Variants in SLC41A2 observed in about 807,000 individuals in gnomAD.
The protein encoded by SLC41A2 is SLC41A1-like 1.
In SLC41A2, 32 loss-of-function variants were observed where a neutral mutation model predicts 58.3. The observed-to-expected ratio is 0.55, with a 90% confidence interval of 0.41 to 0.74. SLC41A2 has a LOEUF of 0.74. SLC41A2 is among the 30% of genes least tolerant of loss of function. The pLI, the probability that SLC41A2 is intolerant of heterozygous loss-of-function variation, is 0.00. For synonymous variants in SLC41A2, 190 were observed against 235.0 expected (o/e 0.81, Z 1.75); for missense variants, 514 against 680.6 (o/e 0.76, Z 2.72).
intron 1 of SLC41A2, among the ~76,000 whole-genome samples, chr12:104,932,677 T>C (rs2047110339): frequency 7.5e-6 from 1 of 132,622 alleles, no homozygotes; most frequent in African/African-American, 2.9e-5. Flanking sequence ...ATGATACTGG[T>C]ATAAAAGTAG....
chr12:104,850,118 T>C (rs891956557), intron 8 of SLC41A2, among the ~76,000 whole-genome samples: 10 of 152,190 alleles, frequency 6.6e-5, no homozygotes, highest in Admixed American at 2.0e-4. Context: ...GCTTTGATGA[T>C]ATCACAGAGA....
At chr12:104,807,167 T>C (rs2040950011) in intron 10 of SLC41A2, among the ~76,000 whole-genome samples, 1 of 152,242 alleles carries the variant, frequency 6.6e-6, no homozygotes, top group Non-Finnish European at 1.5e-5. Flanking sequence ...TGGTATTGCC[T>C]AGGTTTTCTT....
intron 10 of SLC41A2, among the ~76,000 whole-genome samples, chr12:104,834,914 C>A (rs969868757): frequency 2.9e-4 from 44 of 152,182 alleles, no homozygotes; most frequent in African/African-American, 1.1e-3. Flanking sequence ...TGGCTACATT[C>A]TTCCTTATCT....
intron 3 of SLC41A2, among the ~76,000 whole-genome samples, chr12:104,904,438 G>A (rs959074307): frequency 6.6e-6 from 1 of 152,084 alleles, no homozygotes; most frequent in African/African-American, 2.4e-5. Context: ...ATCTACCTAG[G>A]TAATTCACCA....
intron 10 of SLC41A2, among the ~76,000 whole-genome samples, chr12:104,843,347 G>C (rs1325967659): frequency 6.6e-6 from 1 of 151,734 alleles, no homozygotes; most frequent in East Asian, 1.9e-4. Flanking sequence ...TTATTCGATA[G>C]GTGACTTTTA....
At chr12:104,916,406 AT>A (rs1176865648) in intron 2 of SLC41A2, among the ~76,000 whole-genome samples, 2 of 152,094 alleles carry the variant, frequency 1.3e-5, no homozygotes, top group Admixed American at 1.3e-4. Context: ...AGCCAAGGTA[AT>A]TTATAGATTC....
chr12:104,856,650 G>A (rs1209964040), intron 8 of SLC41A2, among the ~76,000 whole-genome samples: 2 of 152,282 alleles, frequency 1.3e-5, no homozygotes, highest in Middle Eastern at 3.4e-3. Context: ...ATGGAGTAAG[G>A]CTCCCATTGG....
intron 6 of SLC41A2, among the ~76,000 whole-genome samples, chr12:104,877,036 G>A (rs768687444): frequency 2.6e-5 from 4 of 152,092 alleles, no homozygotes; most frequent in Non-Finnish European, 4.4e-5. Flanking sequence ...TTTTCTTAAT[G>A]TCCAGTTCTT....
intron 1 of SLC41A2, among the ~76,000 whole-genome samples, chr12:104,955,650 T>C (rs79415152): frequency 0.041 from 6,246 of 152,240 alleles, 176 homozygotes; most frequent in East Asian, 0.11. Flanking sequence ...TTTTACCACA[T>C]TTTAACAAGT....
At chr12:104,855,370 C>T (rs956730171) in intron 8 of SLC41A2, among the ~76,000 whole-genome samples, 2 of 152,202 alleles carry the variant, frequency 1.3e-5, no homozygotes, top group African/African-American at 4.8e-5. Flanking sequence ...CCATATCCTT[C>T]CTTCGCTATC....
At chr12:104,806,590 T>C (rs1181902758) in intron 10 of SLC41A2, among the ~76,000 whole-genome samples, 5 of 152,044 alleles carry the variant, frequency 3.3e-5, no homozygotes, top group African/African-American at 1.2e-4. Flanking sequence ...AGTAATGGGA[T>C]GGCTGGGTCA....
chr12:104,838,014 C>G (rs777679062), intron 10 of SLC41A2, among the ~76,000 whole-genome samples: 1 of 152,112 alleles, frequency 6.6e-6, no homozygotes, highest in Admixed American at 6.5e-5. Flanking sequence ...TTTTGCCCTT[C>G]GTATGTGATG....
intron 2 of SLC41A2, 86 bp downstream of exon 2, chr12:104,927,887 T>C: frequency 8.3e-7 from 1 of 1,197,986 alleles, no homozygotes; most frequent in East Asian, 2.5e-5. Context: ...AGTGAATGTT[T>C]GAGAGTAGTA....
chr12:104,808,103 G>A (rs1350606942), intron 10 of SLC41A2, among the ~76,000 whole-genome samples: 6 of 152,114 alleles, frequency 3.9e-5, no homozygotes, highest in Admixed American at 3.9e-4. Context: ...CCAACACTAT[G>A]TTGAATAGGA....
intron 10 of SLC41A2, among the ~76,000 whole-genome samples, chr12:104,815,680 A>AC (rs2041367603): frequency 1.3e-5 from 2 of 152,136 alleles, no homozygotes; most frequent in African/African-American, 2.4e-5. Context: ...GTTCTTCCTA[A>AC]CCCCTAGCTT....
At chr12:104,814,048 A>ATG (rs2041288790) in intron 10 of SLC41A2, among the ~76,000 whole-genome samples, 1 of 152,206 alleles carries the variant, frequency 6.6e-6, no homozygotes, top group African/African-American at 2.4e-5. Context: ...ATTTACACAT[A>ATG]TTTATGTATG....
At chr12:104,904,736 G>A (rs1033980521) in intron 3 of SLC41A2, among the ~76,000 whole-genome samples, 1 of 151,984 alleles carries the variant, frequency 6.6e-6, no homozygotes, top group Admixed American at 6.6e-5. Context: ...AGTGTTAACA[G>A]CTCTTAAGGC....
Position 104,939,998 on chromosome 12 carries a change from G to C in SLC41A2, c.-167-11304C>G, listed in dbSNP as rs1004086246. ...TTTTCTTAAAGTATACCTCCTCTAC[G>C]TTTCTGTTTCCTATTATTATTATTT... On this transcript the variant is annotated intron_variant, in intron 1 of 10. Coordinates refer to ENST00000258538, the MANE Select transcript of SLC41A2 (RefSeq NM_001352171.3). Among the ~76,000 whole-genome samples the C allele has an allele frequency of 4.6e-5, 7 of 151,694 alleles. 1 individual carries two copies. The South Asian group carries it at 1.5e-3, about 32-fold the overall frequency.
At chr12:104,821,490 T>C (rs1434211436) in intron 10 of SLC41A2, among the ~76,000 whole-genome samples, 3 of 152,138 alleles carry the variant, frequency 2.0e-5, no homozygotes, top group African/African-American at 7.2e-5. Context: ...ATTCACACAA[T>C]AGAATACTAT....
Sources: gnomAD v4.1 joint callset for allele counts (sites outside exome capture counted in the v4.1 genomes callset) on GRCh38, gnomAD v4.1.1 for gene constraint, MANE v1.5 for transcripts, NCBI Gene and HGNC (gene_info 2026-07-23, HGNC 2026-07-21) for gene names.